HS3ST4: variants seen among roughly 807,000 people sequenced by gnomAD.
The protein encoded by HS3ST4 is heparan sulfate glucosamine 3-O-sulfotransferase 4.
Under a neutral mutation model 29.2 loss-of-function variants are expected in HS3ST4, and 17 were observed. The ratio of observed to expected loss-of-function variants is 0.58; its 90% CI spans 0.40 to 0.87. HS3ST4 has a LOEUF of 0.87. HS3ST4 is among the 40% of genes least tolerant of loss of function. The pLI, the probability that HS3ST4 is intolerant of heterozygous loss-of-function variation, is 0.00. For synonymous variants in HS3ST4, 314 were observed against 285.7 expected, an observed-to-expected ratio of 1.10 and a Z score of -1.00; for missense variants, 627 against 634.5, an observed-to-expected ratio of 0.99 and a Z score of 0.13.
rs148480215 is a variant in HS3ST4, at chr16:26,109,693, T to C, written c.735-25919T>C. ...TCAATGCCCAGTTCTCCAGCTGAGA[T>C]CTCTTTTCAACTCATATACTCACTG... On this transcript the variant is annotated intron_variant, in intron 1 of 1. Transcript: ENST00000331351. 4.3e-3 allele frequency among the ~76,000 whole-genome samples: 642 copies of C among 149,594 alleles called. 8 individuals are homozygous for C. The highest frequency in any genetic ancestry group is 0.015 in the African/African-American group (616 of 40,614).
chr16:25,732,923 C>G (rs1966581244), intron 1 of HS3ST4, among the ~76,000 whole-genome samples: 1 of 152,118 alleles, frequency 6.6e-6, no homozygotes, highest in African/African-American at 2.4e-5. Context: ...TGTGCCTAGC[C>G]CTGCTACACA....
intron 1 of HS3ST4, among the ~76,000 whole-genome samples, chr16:25,887,223 A>T (rs114097280): frequency 6.6e-6 from 1 of 152,194 alleles, no homozygotes; most frequent in African/African-American, 2.4e-5. Flanking sequence ...TTCTTTAGGC[A>T]GAAGCGGACA....
intron 1 of HS3ST4, among the ~76,000 whole-genome samples, chr16:25,816,489 A>G (rs1343825213): frequency 6.6e-6 from 1 of 152,114 alleles, no homozygotes; most frequent in African/African-American, 2.4e-5. Context: ...TTTTTGTCCA[A>G]AGGTAGAGGT....
intron 1 of HS3ST4, among the ~76,000 whole-genome samples, chr16:25,754,287 A>G (rs1037120161): frequency 1.3e-5 from 2 of 151,960 alleles, no homozygotes; most frequent in South Asian, 2.1e-4. Context: ...CTCCAATCAC[A>G]CACTCCATAC....
At chr16:25,759,554 C>T (rs1191291161) in intron 1 of HS3ST4, among the ~76,000 whole-genome samples, 2 of 151,974 alleles carry the variant, frequency 1.3e-5, no homozygotes, top group African/African-American at 4.8e-5. Flanking sequence ...ATCAGGAGGT[C>T]CGAGTTGTGA....
At chr16:26,065,396 C>A (rs1399552314) in intron 1 of HS3ST4, among the ~76,000 whole-genome samples, 1 of 152,192 alleles carries the variant, frequency 6.6e-6, no homozygotes, top group Non-Finnish European at 1.5e-5. Flanking sequence ...ACCATATGTT[C>A]TCACTCATAA....
rs190999807 is a variant in HS3ST4, at chr16:25,796,003, A to G, written c.734+102852A>G. ...AGTCTTCTCCCCTGTAATATTTCAT[A>G]GATAAATGCCAAGAGGAAAATTGGT... is the stretch of plus-strand genomic sequence containing the variant. On this transcript the variant is annotated intron_variant, in intron 1 of 1. Coordinates refer to ENST00000331351, the MANE Select transcript of HS3ST4 (RefSeq NM_006040.3). Among the ~76,000 whole-genome samples, 67 of 152,032 alleles carry G rather than the reference A, an allele frequency of 4.4e-4. 1 individual carries two copies. The highest frequency in any genetic ancestry group is 3.5e-3 in the East Asian group (18 of 5,150).
intron 1 of HS3ST4, among the ~76,000 whole-genome samples, chr16:25,796,545 GGCATT>G (rs1966887000): frequency 6.6e-6 from 1 of 151,962 alleles, no homozygotes; most frequent in Non-Finnish European, 1.5e-5. Context: ...AACCGAGTAT[GGCATT>G]GCAAAAAAAA....
At chr16:26,048,574 T>A (rs186558840) in intron 1 of HS3ST4, among the ~76,000 whole-genome samples, 1 of 152,280 alleles carries the variant, frequency 6.6e-6, no homozygotes, top group African/African-American at 2.4e-5. Context: ...CCCAGCACTT[T>A]GGGAGGCCCA....
intron 1 of HS3ST4, among the ~76,000 whole-genome samples, chr16:26,085,104 CA>C (rs1329475924): frequency 6.6e-6 from 1 of 152,198 alleles, no homozygotes; most frequent in Non-Finnish European, 1.5e-5. Flanking sequence ...GCCTTTTGCT[CA>C]ACCGGCTTTC....
chr16:25,777,271 GATATCTGCCA>G (rs1355948451), intron 1 of HS3ST4, among the ~76,000 whole-genome samples: 14 of 152,120 alleles, frequency 9.2e-5, no homozygotes, highest in African/African-American at 3.1e-4. Flanking sequence ...TGCTTTTCTT[GATATCTGCCA>G]ATATCCCCCA....
rs538987724 is a variant in HS3ST4, at chr16:25,814,227, A to G, written c.734+121076A>G. Among the ~76,000 whole-genome samples the G allele has an allele frequency of 2.3e-4, 35 of 152,290 alleles. No individual in the cohort carries two copies. The South Asian group carries it at 7.0e-3, about 31-fold the overall frequency. On this transcript the variant is annotated intron_variant, in intron 1 of 1. Transcript: ENST00000331351. Reference sequence around the variant, plus strand: ...GTGAATGTTAGTGTATGGAAACGATATGTGAATAAAAATAATTATGGAATG... The same window carrying G: ...GTGAATGTTAGTGTATGGAAACGATGTGTGAATAAAAATAATTATGGAATG...
At chr16:25,890,440 C>T (rs1967996728) in intron 1 of HS3ST4, among the ~76,000 whole-genome samples, 1 of 152,174 alleles carries the variant, frequency 6.6e-6, no homozygotes, top group South Asian at 2.1e-4. Flanking sequence ...CTGGCCAGTG[C>T]ATGTCATCTT....
intron 1 of HS3ST4, among the ~76,000 whole-genome samples, chr16:26,093,855 A>G (rs986261292): frequency 3.3e-5 from 5 of 152,202 alleles, no homozygotes; most frequent in Non-Finnish European, 5.9e-5. Flanking sequence ...CAAGGAAGCT[A>G]AAAACCTTGA....
intron 1 of HS3ST4, among the ~76,000 whole-genome samples, chr16:25,947,394 C>T (rs190091885): frequency 6.6e-6 from 1 of 152,174 alleles, no homozygotes; most frequent in Non-Finnish European, 1.5e-5. Flanking sequence ...CGCAAAAACT[C>T]CAAATCTCAA....
intron 1 of HS3ST4, among the ~76,000 whole-genome samples, chr16:26,026,483 ATTATC>A (rs1249967013): frequency 6.6e-6 from 1 of 152,076 alleles, no homozygotes; most frequent in East Asian, 1.9e-4. Context: ...CTCCTTTGCT[ATTATC>A]TTATGTCAGT....
intron 1 of HS3ST4, among the ~76,000 whole-genome samples, chr16:25,935,285 G>A (rs972510349): frequency 2.0e-5 from 3 of 152,128 alleles, no homozygotes; most frequent in African/African-American, 4.8e-5. Flanking sequence ...AGAGTGGTAC[G>A]TTGGTTGCAA....
chr16:25,753,550 A>G (rs1481980100), intron 1 of HS3ST4, among the ~76,000 whole-genome samples: 4 of 152,074 alleles, frequency 2.6e-5, no homozygotes, highest in Non-Finnish European at 5.9e-5. Flanking sequence ...TTGTGTTACT[A>G]TTTTCATGTG....
chr16:25,893,791 A>C (rs1441303182), intron 1 of HS3ST4, among the ~76,000 whole-genome samples: 1 of 152,186 alleles, frequency 6.6e-6, no homozygotes, highest in African/African-American at 2.4e-5. Flanking sequence ...GACAGGTGAA[A>C]ATAATATGTG....
Sources: allele counts gnomAD v4.1 joint callset (sites outside exome capture counted in the v4.1 genomes callset), GRCh38; gene constraint gnomAD v4.1.1; transcripts MANE v1.5; gene names NCBI Gene and HGNC (gene_info 2026-07-23, HGNC 2026-07-21).